Variants in UNC13D observed in about 807,000 individuals in gnomAD.
UNC13D encodes protein unc-13 homolog D.
UNC13D carries 115 observed loss-of-function variants against 151.7 expected under a neutral mutation model. The ratio of observed to expected loss-of-function variants is 0.76; its 90% confidence interval spans 0.65 to 0.88. The LOEUF is 0.88. Ranked by LOEUF, UNC13D falls within the 40% of genes least tolerant of loss-of-function variation. The pLI, the probability that UNC13D is intolerant of heterozygous loss-of-function variation, is 0.00. For missense variants in UNC13D, 1,369 were observed against 1,438.7 expected (o/e 0.95, Z 0.78); for synonymous variants, 588 against 612.2 (o/e 0.96, Z 0.58).
chr17:75,842,402 A>T (rs1280334436), intron 6 of UNC13D, 31 bp downstream of exon 6: 1 of 1,599,226 alleles, frequency 6.3e-7, no homozygotes, highest in Non-Finnish European at 8.6e-7. Context: ...AAAGACCTGG[A>T]TAGAGTGGGG....
Position 75,835,418 on chromosome 17 carries a change from CT to C in UNC13D, c.1838del (p.Gln613ArgfsTer11), listed in dbSNP as rs1406122228. On this transcript the variant is annotated frameshift_variant, in exon 20 of 32. Transcript: ENST00000207549. LOFTEE classifies it high-confidence loss of function. ...CTGGCCACGCCCCCACCTCATCCATCTGCACAGCGCGCTGCACCCGCGCCAG... is the reference window on the plus strand; with the variant it reads ...CTGGCCACGCCCCCACCTCATCCATCGCACAGCGCGCTGCACCCGCGCCAG... ...EALARVQRAV[Q>X]MDELVPLGEL... 6.2e-7 allele frequency: 1 copy of C among 1,612,386 alleles called. No individual in the cohort carries two copies. Among genetic ancestry groups the C allele is most frequent in the South Asian group, 1.1e-5 (1 of 91,028 alleles).
At chr17:75,837,060 TTTTTG>T in intron 12 of UNC13D, 142 bp from the exon 13 acceptor site, 1 of 685,724 alleles carries the variant, frequency 1.5e-6, no homozygotes, top group Non-Finnish European at 2.4e-6. Flanking sequence ...TGCAGGATTG[TTTTTG>T]TTTTGTGTTT....
chr17:75,844,190 C>T, intron 1 of UNC13D, 31 bp downstream of exon 1: 8 of 1,607,126 alleles, frequency 5.0e-6, no homozygotes, highest in Non-Finnish European at 5.9e-6. Context: ...CTCCCCAAGG[C>T]CAGCTCTCTC....
In UNC13D at chr17:75,840,480, C is replaced by G; in HGVS notation, c.753+27G>C. On this transcript the variant is annotated intron_variant, in intron 9 of 31. Coordinates refer to ENST00000207549, the MANE Select transcript of UNC13D (RefSeq NM_199242.3). The surrounding 1 kb of genome is among the most constrained non-coding windows in gnomAD (Gnocchi z 4.6). ...CCAACCCCCTCCCTCTGCCTCGCTC[C>G]TGGGCCCCTTTCCTCATCCTCCTCA... is the stretch of plus-strand genomic sequence containing the variant. The G allele has an allele frequency of 6.2e-7, 1 of 1,613,936 alleles. No homozygotes were observed. Among genetic ancestry groups the G allele is most frequent in the Non-Finnish European group, 8.5e-7 (1 of 1,179,864 alleles).
Position 75,841,058 on chromosome 17 carries a change from A to G in UNC13D, c.570-57T>C. ...CTGGAGGGTGGATGCCCCCAGACGA[A>G]GCAGTAAGTGACCACAGCCCAGAGC... On this transcript the variant is annotated intron_variant, in intron 6 of 31. Coordinates refer to ENST00000207549, the MANE Select transcript of UNC13D (RefSeq NM_199242.3). The G allele has an allele frequency of 6.2e-6, 10 of 1,607,078 alleles. No individual in the cohort carries two copies. In the South Asian group the frequency reaches 9.9e-5, roughly 16 times the overall value.
At chr17:75,835,606 CCT>C (rs2064902700) in intron 19 of UNC13D, 39 bp downstream of exon 19, 2 of 1,612,692 alleles carry the variant, frequency 1.2e-6, no homozygotes, top group Middle Eastern at 1.7e-4. Flanking sequence ...CCTCCCCTCC[CCT>C]GTGCCCCTGC....
Position 75,836,666 on chromosome 17 carries a change from G to C in UNC13D, c.1204C>G (p.Leu402Val), listed in dbSNP as rs568125844. 66 of 1,613,772 alleles carry C rather than the reference G, an allele frequency of 4.1e-5. No homozygotes were observed. The South Asian group carries it at 6.6e-4, about 16-fold the overall frequency. Residue 402 changes from leucine to valine, a missense_variant, in exon 14 of 32, where the codon CTG (leucine) becomes GTG (valine). Transcript: ENST00000207549. ...ATGAGGGAGAGGCCGTAGGTCAGCA[G>C]GGAGCTGAATGAGGCGGCCAGCTCC... ...QEELAASFSS[L>V]LTYGLSLIRR...
At chr17:75,836,777 T>A in intron 13 of UNC13D, 24 bp downstream of exon 13, 1 of 1,613,658 alleles carries the variant, frequency 6.2e-7, no homozygotes, top group Non-Finnish European at 8.5e-7. Flanking sequence ...GCCTGCTCAG[T>A]GCCCCTTGCC....
In UNC13D at chr17:75,842,298, C is replaced by T; in HGVS notation, c.569+135G>A. 2.4e-6 allele frequency: 3 copies of T among 1,248,100 alleles called. No homozygotes were observed. The South Asian group carries it at 4.6e-5, about 19-fold the overall frequency. The allele number at this position is 1,248,100 out of a possible 1,614,324, so 77.3% of individuals were successfully genotyped here. A position where few individuals can be genotyped will look rare whatever the true frequency, so the allele number is the denominator to read the frequency against. On this transcript the variant is annotated intron_variant, in intron 6 of 31. Transcript: ENST00000207549. ...TCCACCTAACGTGCCTGGAGATGGG[C>T]TTCTCCTCTAGTCTTTGCCCAGGGC...
rs2064939731 is a variant in UNC13D at position 75,840,406 on chromosome 17, C to T, written c.754-77G>A. ...GGCAGCGGAGGCGACAGGAGGTGGACCCCAGGCTCAGCTTTGTGAGGACAC... is the reference window on the plus strand; with the variant it reads ...GGCAGCGGAGGCGACAGGAGGTGGATCCCAGGCTCAGCTTTGTGAGGACAC... On this transcript the variant is annotated intron_variant, in intron 9 of 31. Transcript: ENST00000207549. The surrounding 1 kb of genome is among the most constrained non-coding windows in gnomAD (Gnocchi z 4.6). The T allele has an allele frequency of 1.7e-5, 27 of 1,606,526 alleles. No individual in the cohort carries two copies. The highest frequency in any genetic ancestry group is 2.3e-5 in the Non-Finnish European group (27 of 1,174,386).
Position 75,834,480 on chromosome 17 carries a change from A to T in UNC13D, c.2143T>A (p.Leu715Met). The stretch of plus-strand genomic sequence containing the variant: ...GCCTCCCATGCCAGCTGGGCGGGCA[A>T]CTTGCCGATCACCAGCCGCAGCTGC... ...MEQLRLVIGK[L>M]PAQLAWEALE... Residue 715 changes from leucine (L) to methionine (M), a missense_variant, in exon 23 of 32, where the codon TTG becomes ATG. By Grantham distance (15) the Leu-to-Met change is conservative. Transcript: ENST00000207549. The T allele has an allele frequency of 6.4e-7, 1 of 1,567,766 alleles. No homozygotes were observed. The highest frequency in any genetic ancestry group is 2.3e-5 in the East Asian group (1 of 42,580).
Position 75,835,924 on chromosome 17 carries a change from G to A in UNC13D, c.1545-18C>T. On this transcript the variant is annotated intron_variant, in intron 17 of 31. Coordinates refer to ENST00000207549, the MANE Select transcript of UNC13D (RefSeq NM_199242.3). ...TGAGGGTACTGGAGGAAAGGCAGCA[G>A]GTGTCACCCAGTGGCATACACCAGG... The A allele has an allele frequency of 6.2e-7, 1 of 1,614,186 alleles. No homozygotes were observed. Among genetic ancestry groups the A allele is most frequent in the African/African-American group, 1.3e-5 (1 of 75,058 alleles).
In UNC13D at chr17:75,831,514, AG is replaced by A. The variant is rs1350448989; in HGVS notation, c.2448-167del. On this transcript the variant is annotated intron_variant, in intron 25 of 31. Coordinates refer to ENST00000207549, the MANE Select transcript of UNC13D (RefSeq NM_199242.3). The stretch of plus-strand genomic sequence containing the variant: ...TCCCACCCCAGGTGAGGCTGGGGAG[AG>A]GGTGGGTACAGGACCAGCAAGGGGC... 12 of 654,678 alleles carry A rather than the reference AG, an allele frequency of 1.8e-5. No individual in the cohort carries two copies. In the East Asian group the frequency reaches 3.3e-4, roughly 18 times the overall value. The allele number at this position is 654,678 out of a possible 1,614,324, so 40.6% of individuals were successfully genotyped here.
In UNC13D at chr17:75,835,061, C is replaced by A; in HGVS notation, c.1851G>T (p.Leu617=). 1 of 1,613,850 alleles carries A rather than the reference C, an allele frequency of 6.2e-7. No individual in the cohort carries two copies. Among genetic ancestry groups the A allele is most frequent in the East Asian group, 2.2e-5 (1 of 44,886 alleles). Reference sequence around the variant, plus strand: ...GCTTGGTCAGTTCACCCAGGGGCACCAGCTGGGGGAAGAAAGGAGGACTCA... The same window carrying A: ...GCTTGGTCAGTTCACCCAGGGGCACAAGCTGGGGGAAGAAAGGAGGACTCA... ...RVQRAVQMDE[L]VPLGELTKHS... Residue 617 remains leucine, a splice_region_variant and synonymous_variant, in exon 21 of 32, where the codon CTG becomes CTT. Coordinates refer to ENST00000207549, the MANE Select transcript of UNC13D (RefSeq NM_199242.3).
rs78174011 is a variant in UNC13D at position 75,834,226 on chromosome 17, C to A, written c.2299-83G>T. 4,335 of 1,592,056 alleles carry A rather than the reference C, an allele frequency of 2.7e-3. 114 individuals are homozygous for A. In the African/African-American group the frequency reaches 0.053, roughly 19 times the overall value. ...GTTCCTTAGGGCCTGAGTTTAGACG[C>A]ACGAAGGGGTCAGGGTTGGACCTTG... On this transcript the variant is annotated intron_variant, in intron 23 of 31. Coordinates refer to ENST00000207549, the MANE Select transcript of UNC13D (RefSeq NM_199242.3).
rs2143867552 is a variant in UNC13D at position 75,831,298 on chromosome 17, G to C, written c.2498C>G (p.Ala833Gly). Residue 833 changes from alanine to glycine, a missense_variant, in exon 26 of 32, where the codon GCC (alanine) becomes GGC (glycine). Physicochemically the swap from Ala to Gly is moderately conservative, Grantham distance 60 (BLOSUM62 0). Around this residue, in one of 3 missense-constraint regions of UNC13D, gnomAD observed 807 missense variants for 795.5 expected, o/e 1.01. Transcript: ENST00000207549. ...THTLTVLVEA[A>G]ASQRSSSLAS... ...CAGGGATGAGCTGCGCTGGGAGGCG[G>C]CCGCCTCCACCAGCACTGTGAGTGT... is the stretch of plus-strand genomic sequence containing the variant. 6.2e-7 allele frequency: 1 copy of C among 1,613,590 alleles called. No homozygotes were observed. The highest frequency in any genetic ancestry group is 1.1e-5 in the South Asian group (1 of 91,086).
chr17:75,836,432 G>A lies in UNC13D; in HGVS notation c.1299-3C>T, dbSNP rs763451816. On this transcript the variant is annotated splice_polypyrimidine_tract_variant and splice_region_variant and intron_variant, in intron 14 of 31. Coordinates refer to ENST00000207549, the MANE Select transcript of UNC13D (RefSeq NM_199242.3). ...TCTTGCACATCTGTACCAGGACCCTGCAAGATGGAAAGAGCTGTGTCGAAA... is the reference window on the plus strand; with the variant it reads ...TCTTGCACATCTGTACCAGGACCCTACAAGATGGAAAGAGCTGTGTCGAAA... 1 of 1,612,720 alleles carries A rather than the reference G, an allele frequency of 6.2e-7. No homozygotes were observed. Among genetic ancestry groups the A allele is most frequent in the Non-Finnish European group, 8.5e-7 (1 of 1,179,974 alleles).
Position 75,840,967 on chromosome 17 carries a change from G to T in UNC13D, c.604C>A (p.Leu202Met), listed in dbSNP as rs562092691. 3.7e-6 allele frequency: 6 copies of T among 1,613,972 alleles called. No homozygotes were observed. The East Asian group carries it at 1.3e-4, about 36-fold the overall frequency. The change falls in exon 7 of 32, where the codon CTG (leucine) becomes ATG (methionine). Residue 202 changes from leucine (L) to methionine (M), a missense_variant. Physicochemically the swap from Leu to Met is conservative, Grantham distance 15. Coordinates refer to ENST00000207549, the MANE Select transcript of UNC13D (RefSeq NM_199242.3). This position sits in a 1 kb window ranked among gnomAD's most constrained non-coding sequence, Gnocchi z 4.6. ...GGCCAGGTCACTCACCACATGTCCA[G>T]ATGAAAGCTCGCATTGGTGATGTCC... ...FEDITNASFH[L>M]DMWDLDTVES... is the part of the protein sequence containing the mutation.
rs1228094501 is a variant in UNC13D at position 75,844,242 on chromosome 17, G to A, written c.96C>T (p.Pro32=). The A allele has an allele frequency of 1.2e-6, 2 of 1,612,294 alleles. No homozygotes were observed. Among genetic ancestry groups the A allele is most frequent in the Non-Finnish European group, 1.7e-6 (2 of 1,179,952 alleles). ...CTACCTCCGGGGCCATTTGGGGCGG[G>A]GGATCCTGTAGATCTCTGACTCTGC... ...RRRRVRDLQD[P]PPQMAPEIQP... Residue 32 remains proline (P), a synonymous_variant, in exon 1 of 32, where the codon CCC becomes CCT. Transcript: ENST00000207549.
Sources: allele counts gnomAD v4.1 joint callset, GRCh38; gene constraint gnomAD v4.1.1; regional missense constraint gnomAD v4.1.1; non-coding constraint Gnocchi (gnomAD v3.1); transcripts MANE v1.5; gene names NCBI Gene and HGNC (gene_info 2026-07-23, HGNC 2026-07-21).